TTLL5: variants seen among roughly 807,000 people sequenced by gnomAD.
TTLL5 encodes the protein tubulin tyrosine ligase like 5.
TTLL5 carries 132 observed loss-of-function variants against 168.4 expected under a neutral mutation model. The observed-to-expected ratio is 0.78, with a 90% CI of 0.68 to 0.91. The LOEUF (loss-of-function observed/expected upper bound fraction) is 0.91. TTLL5 is among the 40% of genes least tolerant of loss of function. TTLL5 has a pLI of 0.00. For missense variants in TTLL5, 1,545 were observed against 1,581.5 expected, an observed-to-expected ratio of 0.98 and a Z score of 0.39; for synonymous variants, 546 against 558.6, an observed-to-expected ratio of 0.98 and a Z score of 0.32.
intron 13 of TTLL5, among the ~76,000 whole-genome samples, chr14:75,732,644 C>T (rs1363529068): frequency 6.6e-6 from 1 of 152,058 alleles, no homozygotes; most frequent in South Asian, 2.1e-4. Context: ...TATATCATTC[C>T]TGTTTATTAG....
In TTLL5 at chr14:75,793,114, G is replaced by C; in HGVS notation, c.3171+14G>C. 6.3e-7 allele frequency: 1 copy of C among 1,576,066 alleles called. No individual in the cohort carries two copies. The highest frequency in any genetic ancestry group is 1.2e-5 in the South Asian group (1 of 84,894). ...CTCACCCAACAGGTACGGATGGTCT[G>C]GGGTGTCCAAGAGCTCTTTGGACCT... On this transcript the variant is annotated intron_variant, in intron 27 of 31. Transcript: ENST00000298832.
chr14:75,727,403 A>G (rs1466061856), intron 12 of TTLL5, among the ~76,000 whole-genome samples: 1 of 152,236 alleles, frequency 6.6e-6, no homozygotes, highest in Non-Finnish European at 1.5e-5. Context: ...CAACATAGAT[A>G]AATCTCAAAA....
chr14:75,798,577 A>G (rs957595639), intron 27 of TTLL5, among the ~76,000 whole-genome samples: 1 of 151,862 alleles, frequency 6.6e-6, no homozygotes, highest in African/African-American at 2.4e-5. Flanking sequence ...GAGCTCTTTC[A>G]GGCTTTTTGA....
rs565401586 is a variant in TTLL5 at position 75,700,669 on chromosome 14, C to A, written c.585+1399C>A. Among the ~76,000 whole-genome samples the A allele has an allele frequency of 4.6e-5, 7 of 152,300 alleles. No homozygotes were observed. In the South Asian group the frequency reaches 1.5e-3, roughly 32 times the overall value. The stretch of plus-strand genomic sequence containing the variant: ...TCAAGTTGTCGGCTTGGCCCTCTTC[C>A]ACGTGTACTTTACTTCCTTTCATTT... On this transcript the variant is annotated intron_variant, in intron 7 of 31. Transcript: ENST00000298832.
In TTLL5 at chr14:75,820,079, A is replaced by G; in HGVS notation, c.3244A>G (p.Ile1082Val). 1 of 1,610,102 alleles carries G rather than the reference A, an allele frequency of 6.2e-7. No individual in the cohort carries two copies. Among genetic ancestry groups the G allele is most frequent in the South Asian group, 1.1e-5 (1 of 90,264 alleles). Reference protein sequence around the residue: ...SASAPPTLRPIISPSGPTWST... With the variant: ...SASAPPTLRPVISPSGPTWST... ...TTCAGCTCCCCCAACCCTCCGACCC[A>G]TCATCAGTCCTAGTGGCCCGACATG... is the stretch of plus-strand genomic sequence containing the variant. The change falls in exon 28 of 32, where the codon ATC becomes GTC. Residue 1082 changes from isoleucine to valine, a missense_variant. Coordinates refer to ENST00000298832, the MANE Select transcript of TTLL5 (RefSeq NM_015072.5).
At chr14:75,914,326 C>T (rs1408211995) in intron 31 of TTLL5, among the ~76,000 whole-genome samples, 1 of 151,558 alleles carries the variant, frequency 6.6e-6, no homozygotes, top group Non-Finnish European at 1.5e-5. Context: ...CCTAGTAATA[C>T]CCAAAATGTT....
rs938073253 is a variant in TTLL5, at chr14:75,924,824, C to T, written c.3823+22600C>T. ...TACACCTCCCAGACCGGGTGGTGGC[C>T]GGGCAGAGGAGCTCCCCACATCCCA... On this transcript the variant is annotated intron_variant, in intron 31 of 31. Coordinates refer to ENST00000298832, the MANE Select transcript of TTLL5 (RefSeq NM_015072.5). 5.3e-5 allele frequency among the ~76,000 whole-genome samples: 8 copies of T among 152,086 alleles called. No individual in the cohort carries two copies. In the East Asian group the frequency reaches 5.8e-4, roughly 11 times the overall value.
At position 75,774,777 on chromosome 14, in the gene TTLL5, C is replaced by T. The variant is rs186025152; in HGVS notation, c.2137-707C>T. On this transcript the variant is annotated intron_variant, in intron 21 of 31. Transcript: ENST00000298832. ...GATCTTGGCTCGGTGCAACCTCCAC[C>T]TCCTGGGTTCAAGTGATTCTCATAC... is the stretch of plus-strand genomic sequence containing the variant. 1.1e-3 allele frequency among the ~76,000 whole-genome samples: 168 copies of T among 152,278 alleles called. 3 individuals carry two copies. Among genetic ancestry groups the T allele is most frequent in the African/African-American group, 3.8e-3 (159 of 41,560 alleles).
At chr14:75,708,700 GT>G (rs1030654860) in intron 9 of TTLL5, among the ~76,000 whole-genome samples, 2 of 152,078 alleles carry the variant, frequency 1.3e-5, no homozygotes, top group African/African-American at 4.8e-5. Flanking sequence ...TTGAAGTTTT[GT>G]TTCCTCTAGC....
chr14:75,942,861 CTTT>C lies in TTLL5; in HGVS notation c.3824-11560_3824-11558del, dbSNP rs142281780. On this transcript the variant is annotated intron_variant, in intron 31 of 31. Transcript: ENST00000298832. Reference sequence around the variant, plus strand: ...GATGTATTTTACAGGTGCTTTAAGACTTTTTAGGGTAGTTCTGAATATATTTTA... The same window carrying C: ...GATGTATTTTACAGGTGCTTTAAGACTTAGGGTAGTTCTGAATATATTTTA... Among the ~76,000 whole-genome samples, 851 of 152,306 alleles carry C rather than the reference CTTT, an allele frequency of 5.6e-3. 14 individuals carry two copies. Among genetic ancestry groups the C allele is most frequent in the South Asian group, 0.027 (129 of 4,832 alleles).
intron 18 of TTLL5, among the ~76,000 whole-genome samples, chr14:75,756,726 G>A (rs573064073): frequency 2.0e-5 from 3 of 151,976 alleles, no homozygotes; most frequent in South Asian, 2.1e-4. Flanking sequence ...CAAGCTGATC[G>A]CGAACTCTTG....
intron 28 of TTLL5, among the ~76,000 whole-genome samples, chr14:75,854,900 A>G (rs1274131605): frequency 6.6e-6 from 1 of 152,176 alleles, no homozygotes; most frequent in Non-Finnish European, 1.5e-5. Flanking sequence ...TATCACTAGA[A>G]ATCCTTTGTC....
At chr14:75,884,630 T>A (rs149812431) in intron 30 of TTLL5, among the ~76,000 whole-genome samples, 3 of 152,220 alleles carry the variant, frequency 2.0e-5, no homozygotes, top group Non-Finnish European at 4.4e-5. Flanking sequence ...TCAAAAGGCA[T>A]GCTGTGAGGC....
At chr14:75,889,880 G>A (rs1343386923) in intron 30 of TTLL5, among the ~76,000 whole-genome samples, 1 of 146,924 alleles carries the variant, frequency 6.8e-6, no homozygotes, top group Non-Finnish European at 1.5e-5. Context: ...AGGGAGGGAG[G>A]GAGGGAGGAG....
intron 31 of TTLL5, among the ~76,000 whole-genome samples, chr14:75,929,489 T>C (rs2140164359): frequency 7.0e-6 from 1 of 141,978 alleles, no homozygotes; most frequent in South Asian, 2.3e-4. Context: ...TCTCGCTCTG[T>C]CGCCCAGGCT....
intron 18 of TTLL5, among the ~76,000 whole-genome samples, chr14:75,754,263 C>T (rs1243202572): frequency 6.6e-6 from 1 of 152,126 alleles, no homozygotes; most frequent in Admixed American, 6.5e-5. Flanking sequence ...CTTTTCAGAT[C>T]TCTATTTTAG....
Position 75,672,855 on chromosome 14 carries a change from C to G in TTLL5, c.181+3333C>G, listed in dbSNP as rs191553198. 1.8e-3 allele frequency among the ~76,000 whole-genome samples: 279 copies of G among 152,300 alleles called. 1 individual carries two copies. Among genetic ancestry groups the G allele is most frequent in the African/African-American group, 6.5e-3 (269 of 41,566 alleles). On this transcript the variant is annotated intron_variant, in intron 3 of 31. Coordinates refer to ENST00000298832, the MANE Select transcript of TTLL5 (RefSeq NM_015072.5). ...TGTAAGGTCTGTAATAATGTCCCCA[C>G]TTTCACTTCTGATTTTAGTTATTTC... is the stretch of plus-strand genomic sequence containing the variant.
intron 18 of TTLL5, among the ~76,000 whole-genome samples, chr14:75,756,653 C>T (rs1284414959): frequency 2.0e-5 from 3 of 151,244 alleles, no homozygotes; most frequent in African/African-American, 7.3e-5. Context: ...GATTATGGGC[C>T]CATGACACCA....
intron 29 of TTLL5, among the ~76,000 whole-genome samples, chr14:75,870,582 T>G (rs374562134): frequency 6.6e-6 from 1 of 152,212 alleles, no homozygotes; most frequent in Non-Finnish European, 1.5e-5. Flanking sequence ...TAGGAGCACT[T>G]GTATGGGTTG....
Sources: allele counts gnomAD v4.1 joint callset (sites outside exome capture counted in the v4.1 genomes callset), GRCh38; gene constraint gnomAD v4.1.1; transcripts MANE v1.5; gene names NCBI Gene and HGNC (gene_info 2026-07-23, HGNC 2026-07-21).